The following MARCHF8 variants were observed in gnomAD, a reference collection of about 807,000 sequenced individuals.
The protein encoded by MARCHF8 is membrane associated ring-CH-type finger 8.
MARCHF8 carries 40 observed loss-of-function variants against 51.6 expected under a neutral mutation model. The ratio of observed to expected loss-of-function variants is 0.77; its 90% CI spans 0.60 to 1.01. The LOEUF is 1.01. MARCHF8 is among the 50% of genes least tolerant of loss of function. The pLI is 0.00. For missense variants in MARCHF8, 685 were observed against 708.6 expected (o/e 0.97, Z 0.38); for synonymous variants, 263 against 280.3 (o/e 0.94, Z 0.62).
At chr10:45,469,839 T>A (rs1035923881) in intron 3 of MARCHF8, among the ~76,000 whole-genome samples, 21 of 108,176 alleles carry the variant, frequency 1.9e-4, no homozygotes, top group Non-Finnish European at 2.8e-4. Context: ...CACTCCAGCC[T>A]GGGCGACAGA....
At chr10:45,505,109 A>G (rs1298436854) in intron 2 of MARCHF8, among the ~76,000 whole-genome samples, 1 of 152,218 alleles carries the variant, frequency 6.6e-6, no homozygotes, top group Non-Finnish European at 1.5e-5. Flanking sequence ...CTACTCCTGA[A>G]TAAGAAAGAA....
intron 1 of MARCHF8, among the ~76,000 whole-genome samples, chr10:45,590,027 C>T (rs1011308491): frequency 1.3e-5 from 2 of 152,208 alleles, no homozygotes; most frequent in African/African-American, 2.4e-5. Context: ...TACATTCCAA[C>T]ATGTAGATTC....
At chr10:45,527,722 C>G (rs908100363) in intron 2 of MARCHF8, among the ~76,000 whole-genome samples, 1 of 152,200 alleles carries the variant, frequency 6.6e-6, no homozygotes, top group East Asian at 1.9e-4. Flanking sequence ...CAACACTGTT[C>G]CCCCAAATTG....
chr10:45,511,471 T>A (rs1324291079), intron 2 of MARCHF8, among the ~76,000 whole-genome samples: 1 of 152,208 alleles, frequency 6.6e-6, no homozygotes, highest in Non-Finnish European at 1.5e-5. Context: ...GAAGCTGGAC[T>A]GTACTGCTGC....
chr10:45,514,428 G>A (rs967862612), intron 2 of MARCHF8, among the ~76,000 whole-genome samples: 1 of 152,238 alleles, frequency 6.6e-6, no homozygotes, highest in African/African-American at 2.4e-5. Flanking sequence ...GGGAACAGGC[G>A]CTGCCTGCAC....
chr10:45,487,573 T>C (rs1029457258), intron 3 of MARCHF8, among the ~76,000 whole-genome samples: 2 of 152,222 alleles, frequency 1.3e-5, no homozygotes, highest in African/African-American at 2.4e-5. Flanking sequence ...TACCACTGCA[T>C]AGTTCTAGCA....
chr10:45,587,530 A>G (rs1180665028), intron 1 of MARCHF8, among the ~76,000 whole-genome samples: 1 of 152,222 alleles, frequency 6.6e-6, no homozygotes, highest in East Asian at 1.9e-4. Context: ...AACCAAGACA[A>G]TCCCAATTGA....
intron 1 of MARCHF8, among the ~76,000 whole-genome samples, chr10:45,542,958 G>A (rs1394603260): frequency 6.6e-6 from 1 of 152,116 alleles, no homozygotes; most frequent in Non-Finnish European, 1.5e-5. Context: ...TCCCACTACT[G>A]TCCCATCTAT....
At chr10:45,575,667 G>A (rs935723946) in intron 1 of MARCHF8, among the ~76,000 whole-genome samples, 1 of 152,006 alleles carries the variant, frequency 6.6e-6, no homozygotes, top group Non-Finnish European at 1.5e-5. Context: ...CCACTATTTC[G>A]TTTTATTTTT....
At chr10:45,490,592 C>T (rs529921560) in intron 2 of MARCHF8, among the ~76,000 whole-genome samples, 1 of 152,178 alleles carries the variant, frequency 6.6e-6, no homozygotes, top group African/African-American at 2.4e-5. Flanking sequence ...CCTCAAACAA[C>T]TACGATCATC....
chr10:45,511,018 T>G (rs1306523017), intron 2 of MARCHF8, among the ~76,000 whole-genome samples: 1 of 152,228 alleles, frequency 6.6e-6, no homozygotes, highest in Admixed American at 6.5e-5. Context: ...TCCCCAAGCC[T>G]TTCTAATATA....
rs1455607451 is a variant in MARCHF8, at chr10:45,455,522, C to T, written c.*2717G>A. The T allele has an allele frequency of 6.6e-6, 1 of 151,102 alleles. No individual in the cohort carries two copies. The highest frequency in any genetic ancestry group is 1.5e-5 in the Non-Finnish European group (1 of 67,894). 9.4% of individuals were successfully genotyped at this position (151,102 alleles called of 1,614,324 possible). The stretch of plus-strand genomic sequence containing the variant: ...ATGGGTCAACCAAATGCCATCCTTT[C>T]ACTAAACCCAGGTGCAAAATGGGGG... On this transcript the variant is annotated 3_prime_UTR_variant, in exon 8 of 8. Coordinates refer to ENST00000453424, the MANE Select transcript of MARCHF8 (RefSeq NM_001282866.2).
chr10:45,519,699 T>C (rs542104003), intron 2 of MARCHF8, among the ~76,000 whole-genome samples: 1 of 152,340 alleles, frequency 6.6e-6, no homozygotes, highest in South Asian at 2.1e-4. Context: ...AAAACCGTTT[T>C]TAGCTGGCAA....
At chr10:45,561,814 T>C (rs1010494697) in intron 1 of MARCHF8, among the ~76,000 whole-genome samples, 1 of 141,198 alleles carries the variant, frequency 7.1e-6, no homozygotes, top group Non-Finnish European at 1.5e-5. Flanking sequence ...GGCAAGAGAA[T>C]GGCGTGAACC....
At chr10:45,501,458 T>A (rs1469443400) in intron 2 of MARCHF8, among the ~76,000 whole-genome samples, 1 of 152,140 alleles carries the variant, frequency 6.6e-6, no homozygotes, top group Admixed American at 6.5e-5. Context: ...AACAAAGCAA[T>A]GAACTTTGAC....
chr10:45,567,959 G>A (rs2044383257), intron 1 of MARCHF8, among the ~76,000 whole-genome samples: 1 of 152,020 alleles, frequency 6.6e-6, no homozygotes, highest in Admixed American at 6.5e-5. Flanking sequence ...TCAATTTCTT[G>A]CATCAGTGTT....
At position 45,593,229 on chromosome 10, in the gene MARCHF8, T is replaced by G. The variant is rs992286805; in HGVS notation, c.-79+1006A>C. ...CAGACAAGGTGTAAAAGAGTATGGT[T>G]TCCCTCTTGTAACATTAAACTTCAA... is the stretch of plus-strand genomic sequence containing the variant. On this transcript the variant is annotated intron_variant, in intron 1 of 6. Transcript: ENST00000319836. Among the ~76,000 whole-genome samples the G allele has an allele frequency of 1.1e-4, 17 of 152,174 alleles. No individual in the cohort carries two copies. The Middle Eastern group carries it at 0.01, about 91-fold the overall frequency.
chr10:45,502,499 T>C (rs555528076), intron 2 of MARCHF8, among the ~76,000 whole-genome samples: 2 of 152,258 alleles, frequency 1.3e-5, no homozygotes, highest in Middle Eastern at 3.4e-3. Flanking sequence ...TGCCCAGGCA[T>C]ACCATAGTCA....
intron 2 of MARCHF8, among the ~76,000 whole-genome samples, chr10:45,520,121 A>C (rs999686808): frequency 6.6e-6 from 1 of 152,152 alleles, no homozygotes; most frequent in Non-Finnish European, 1.5e-5. Flanking sequence ...TCAATCCATA[A>C]AGTGATCATG....
Sources: gnomAD v4.1 joint callset for allele counts (sites outside exome capture counted in the v4.1 genomes callset) on GRCh38, gnomAD v4.1.1 for gene constraint, MANE v1.5 for transcripts, NCBI Gene and HGNC (gene_info 2026-07-23, HGNC 2026-07-21) for gene names.